PPP1R12A: variants seen among roughly 807,000 people sequenced by gnomAD.
PPP1R12A encodes protein phosphatase 1 regulatory subunit 12A.
In PPP1R12A, 19 loss-of-function variants were observed where a neutral mutation model predicts 139.6. The ratio of observed to expected loss-of-function variants is 0.14; its 90% confidence interval spans 0.09 to 0.20. The LOEUF is 0.20. Among genes scored for constraint, PPP1R12A ranks in the 10% least tolerant of loss-of-function variants. The pLI is 1.00. For missense variants in PPP1R12A, 925 were observed against 1,211.5 expected (o/e 0.76, Z 3.51); for synonymous variants, 427 against 420.6 (o/e 1.02, Z -0.19).
At chr12:79,859,741 CAAAAATA>C (rs1881104286) in intron 2 of PPP1R12A, among the ~76,000 whole-genome samples, 1 of 151,874 alleles carries the variant, frequency 6.6e-6, no homozygotes, top group Non-Finnish European at 1.5e-5. Flanking sequence ...TCTGTCTCTA[CAAAAATA>C]AAAAATAAAA....
chr12:79,825,112 T>C (rs1876608798), intron 5 of PPP1R12A: 1 of 152,142 alleles, frequency 6.6e-6, no homozygotes. Flanking sequence ...GTCATACAGG[T>C]CATTAAGAGA....
intron 1 of PPP1R12A, among the ~76,000 whole-genome samples, chr12:79,879,266 C>G (rs1372006849): frequency 6.6e-6 from 1 of 151,936 alleles, no homozygotes; most frequent in East Asian, 1.9e-4. Flanking sequence ...ACTTGAGAGG[C>G]TGAAGCATGA....
chr12:79,818,808 C>A (rs1015774113), intron 8 of PPP1R12A: 1 of 152,096 alleles, frequency 6.6e-6, no homozygotes, highest in Non-Finnish European at 1.5e-5. Flanking sequence ...ATTTATTTTA[C>A]AAAATTCAGC....
At chr12:79,839,814 A>C (rs1303212350) in intron 3 of PPP1R12A, among the ~76,000 whole-genome samples, 1 of 152,202 alleles carries the variant, frequency 6.6e-6, no homozygotes, top group Non-Finnish European at 1.5e-5. Context: ...CTGTGGAACT[A>C]TAAGTCAATT....
intron 2 of PPP1R12A, among the ~76,000 whole-genome samples, chr12:79,847,036 A>T (rs952182147): frequency 3.3e-5 from 5 of 152,162 alleles, no homozygotes; most frequent in East Asian, 3.9e-4. Context: ...ATAGTTTTTT[A>T]AAAAAAGTAC....
intron 1 of PPP1R12A, among the ~76,000 whole-genome samples, chr12:79,922,640 G>A (rs1448342163): frequency 6.6e-6 from 1 of 152,102 alleles, no homozygotes; most frequent in Non-Finnish European, 1.5e-5. Flanking sequence ...TGAACAATGA[G>A]AACACATGGA....
chr12:79,926,794 C>T (rs978322788), intron 1 of PPP1R12A, among the ~76,000 whole-genome samples: 4 of 151,802 alleles, frequency 2.6e-5, no homozygotes, highest in Non-Finnish European at 1.5e-5. Context: ...GGACTTCTTC[C>T]CCCCCACCCC....
chr12:79,935,019 T>C lies in PPP1R12A; in HGVS notation c.-88A>G. Reference sequence around the variant, plus strand: ...AGAGGGGAGGCAGGGGGTGTGTGAATGTTTCTATGAGTGCGGGCCAGAGGA... The same window carrying C: ...AGAGGGGAGGCAGGGGGTGTGTGAACGTTTCTATGAGTGCGGGCCAGAGGA... On this transcript the variant is annotated 5_prime_UTR_variant, in exon 1 of 25. Transcript: ENST00000450142. 6.8e-7 allele frequency: 1 copy of C among 1,472,316 alleles called. No homozygotes were observed. Among genetic ancestry groups the C allele is most frequent in the Middle Eastern group, 2.0e-4 (1 of 5,080 alleles). 91.2% of individuals were successfully genotyped at this position (1,472,316 alleles called of 1,614,324 possible).
At position 79,934,987 on chromosome 12, in the gene PPP1R12A, A is replaced by C. The variant is rs868660167; in HGVS notation, c.-56T>G. 6.6e-7 allele frequency: 1 copy of C among 1,515,394 alleles called. No individual in the cohort carries two copies. The highest frequency in any genetic ancestry group is 1.3e-5 in the South Asian group (1 of 79,056). The allele number at this position is 1,515,394 out of a possible 1,614,324, so 93.9% of individuals were successfully genotyped here. A position where few individuals can be genotyped will look rare whatever the true frequency, so the allele number is the denominator to read the frequency against. On this transcript the variant is annotated 5_prime_UTR_variant, in exon 1 of 25. Transcript: ENST00000450142. ...CGAGGGGGGGAAGGGGGAGGCGGAGAGGGAAGAGAGGGGAGGCAGGGGGTG... is the reference window on the plus strand; with the variant it reads ...CGAGGGGGGGAAGGGGGAGGCGGAGCGGGAAGAGAGGGGAGGCAGGGGGTG...
chr12:79,790,196 A>G (rs746837407), intron 20 of PPP1R12A, among the ~76,000 whole-genome samples: 11 of 152,172 alleles, frequency 7.2e-5, no homozygotes, highest in Non-Finnish European at 1.2e-4. Context: ...TCAGTCCCTG[A>G]TGTTAATAAT....
At chr12:79,792,013 A>G (rs1871937667) in intron 19 of PPP1R12A, among the ~76,000 whole-genome samples, 1 of 152,228 alleles carries the variant, frequency 6.6e-6, no homozygotes, top group African/African-American at 2.4e-5. Flanking sequence ...ATTAAAATAT[A>G]TAGAAAGATA....
intron 9 of PPP1R12A, among the ~76,000 whole-genome samples, chr12:79,812,439 CTGTGTGTGTT>C (rs1565753858): frequency 8.2e-6 from 1 of 122,572 alleles, no homozygotes. Context: ...CTTATACAGG[CTGTGTGTGTT>C]TGTGTGTGTG....
chr12:79,812,382 CTGTGTGTGCGTG>C (rs1320312684), intron 9 of PPP1R12A, among the ~76,000 whole-genome samples: 23 of 112,952 alleles, frequency 2.0e-4, no homozygotes, highest in African/African-American at 8.9e-4. Flanking sequence ...TTGACTGACT[CTGTGTGTGCGTG>C]TGTGTGTGTG....
intron 14 of PPP1R12A, among the ~76,000 whole-genome samples, chr12:79,805,322 A>G (rs562021778): frequency 1.3e-5 from 2 of 152,296 alleles, no homozygotes; most frequent in African/African-American, 4.8e-5. Flanking sequence ...GAAATAAACC[A>G]CCTTAGAAAC....
intron 11 of PPP1R12A, among the ~76,000 whole-genome samples, chr12:79,808,009 G>A (rs960840163): frequency 1.2e-4 from 18 of 151,356 alleles, no homozygotes; most frequent in African/African-American, 3.9e-4. Flanking sequence ...GCACTCCAGC[G>A]TGGGTGACAG....
At position 79,786,409 on chromosome 12, in the gene PPP1R12A, T is replaced by A; in HGVS notation, c.2872A>T (p.Thr958Ser). ...TTTTCCAACTGTAATTTAAGATCTG[T>A]TAGTTCCATATTTGTATCATGTAGC... Reference protein sequence around the residue: ...AQLHDTNMELTDLKLQLEKAT... With the variant: ...AQLHDTNMELSDLKLQLEKAT... The change falls in exon 22 of 25, where the codon ACA becomes TCA. Residue 958 changes from threonine to serine, a missense_variant. Thr to Ser is a moderately conservative substitution (Grantham distance 58). This residue lies in a region of PPP1R12A where 315 missense variants were observed against 363.4 expected (regional missense o/e 0.87). Transcript: ENST00000450142. The A allele has an allele frequency of 6.4e-7, 1 of 1,561,040 alleles. No individual in the cohort carries two copies. The highest frequency in any genetic ancestry group is 8.7e-7 in the Non-Finnish European group (1 of 1,152,184).
intron 24 of PPP1R12A, chr12:79,777,517 A>C: frequency 1.0e-6 from 1 of 985,358 alleles, no homozygotes; most frequent in South Asian, 4.7e-5. Flanking sequence ...GAAACTAAAA[A>C]TTATAGGTTC....
rs199824752 is a variant in PPP1R12A at position 79,876,232 on chromosome 12, G to A, written c.238-3294C>T. Among the ~76,000 whole-genome samples, 7 of 151,882 alleles carry A rather than the reference G, an allele frequency of 4.6e-5. No individual in the cohort carries two copies. In the East Asian group the frequency reaches 9.7e-4, roughly 21 times the overall value. ...TATCTACTTTATTTTTCTCCATACC[G>A]TTTATTACAACATACTATATATACT... On this transcript the variant is annotated intron_variant, in intron 1 of 24. Transcript: ENST00000450142.
intron 10 of PPP1R12A, among the ~76,000 whole-genome samples, chr12:79,808,837 A>T (rs1001545086): frequency 1.3e-5 from 2 of 152,118 alleles, no homozygotes; most frequent in African/African-American, 4.8e-5. Flanking sequence ...GATTTTAATG[A>T]CTTTTTCTAA....
Sources: gnomAD v4.1 joint callset for allele counts (sites outside exome capture counted in the v4.1 genomes callset) on GRCh38, gnomAD v4.1.1 for gene constraint, gnomAD v4.1.1 regional missense constraint, MANE v1.5 for transcripts, NCBI Gene and HGNC (gene_info 2026-07-23, HGNC 2026-07-21) for gene names.